The following P3H2 variants were observed in gnomAD, a reference collection of about 807,000 sequenced individuals.
P3H2 encodes prolyl 3-hydroxylase 2, also known as leprecan-like 1.
P3H2 carries 80 observed loss-of-function variants against 87.0 expected under a neutral mutation model. The ratio of observed to expected loss-of-function variants is 0.92; its 90% CI spans 0.77 to 1.11. P3H2 has a LOEUF of 1.11. P3H2 is among the 50% of genes least tolerant of loss of function. P3H2 has a pLI of 0.00. For synonymous variants in P3H2, 367 were observed against 359.3 expected (o/e 1.02, Z -0.24); for missense variants, 1,001 against 923.9 (o/e 1.08, Z -1.08).
intron 8 of P3H2, among the ~76,000 whole-genome samples, chr3:189,981,873 G>A (rs1029182578): frequency 6.6e-6 from 1 of 152,186 alleles, no homozygotes; most frequent in Non-Finnish European, 1.5e-5. Flanking sequence ...GGGCTTTGTG[G>A]CTGCAAACTG....
chr3:190,058,216 A>G (rs182645840), intron 1 of P3H2, among the ~76,000 whole-genome samples: 61 of 152,272 alleles, frequency 4.0e-4, no homozygotes, highest in African/African-American at 1.3e-3. Flanking sequence ...TTTAGTCCCT[A>G]TCTGTCAACT....
intron 1 of P3H2, among the ~76,000 whole-genome samples, chr3:190,065,214 C>T (rs1332693463): frequency 6.6e-6 from 1 of 152,126 alleles, no homozygotes; most frequent in Non-Finnish European, 1.5e-5. Flanking sequence ...TTGTTCAGTC[C>T]TTTTGCATTA....
upstream of P3H2, among the ~76,000 whole-genome samples, chr3:190,121,351 GAATAAATA>G (rs960130908): frequency 1.3e-5 from 2 of 149,704 alleles, no homozygotes; most frequent in East Asian, 2.0e-4. Context: ...AAAAAAAAAA[GAATAAATA>G]AATAAATAAA....
chr3:190,010,713 T>G (rs2108934165), intron 1 of P3H2, among the ~76,000 whole-genome samples: 1 of 152,300 alleles, frequency 6.6e-6, no homozygotes, highest in South Asian at 2.1e-4. Flanking sequence ...CAGTCTGTGG[T>G]TTTTGTGATG....
At chr3:190,060,737 A>T (rs1203235465) in intron 1 of P3H2, among the ~76,000 whole-genome samples, 1 of 152,124 alleles carries the variant, frequency 6.6e-6, no homozygotes, top group Non-Finnish European at 1.5e-5. Context: ...CTGTCTCATA[A>T]ATGGATAAAG....
At chr3:190,118,073 C>T (rs1485781866) in intron 1 of P3H2, among the ~76,000 whole-genome samples, 1 of 152,106 alleles carries the variant, frequency 6.6e-6, no homozygotes, top group Non-Finnish European at 1.5e-5. Flanking sequence ...AATCAATTCA[C>T]CACAAAAATT....
intron 1 of P3H2, among the ~76,000 whole-genome samples, chr3:190,095,315 T>C (rs1289644205): frequency 2.9e-5 from 3 of 104,220 alleles, no homozygotes; most frequent in Non-Finnish European, 6.3e-5. Flanking sequence ...TATATATATA[T>C]ATATATATAT....
At position 189,974,630 on chromosome 3, in the gene P3H2, G is replaced by A. The variant is rs116316856; in HGVS notation, c.1380C>T (p.Asn460=). The A allele has an allele frequency of 1.4e-5, 22 of 1,614,142 alleles. No homozygotes were observed. The African/African-American group carries it at 2.4e-4, about 18-fold the overall frequency. The change falls in exon 9 of 15, where the codon AAC becomes AAT. Residue 460 remains asparagine, a synonymous_variant. Coordinates refer to ENST00000319332, the MANE Select transcript of P3H2 (RefSeq NM_018192.4). ...ITFVYNSEQL[N]GTQRVLLDNV... is the part of the protein sequence containing the mutation. ...TATCCAGGAGAACCCGCTGAGTCCC[G>A]TTCAGCTGCTCCGAGTTGTAGACGA...
At chr3:189,980,955 A>G (rs710551) in intron 8 of P3H2, among the ~76,000 whole-genome samples, 120,108 of 152,174 alleles carry the variant, frequency 0.79, 47,608 homozygotes, top group East Asian at 0.93. Context: ...GGGGCCTGCA[A>G]ATTAAGCTCT....
rs112652667 is a variant in P3H2, at chr3:190,082,742, T to C, written c.480+37510A>G. ...TGTGAAGGTGATGAGCTTAGCAGAA[T>C]GCTTTGCATAGAGTATTGAGAGCCA... On this transcript the variant is annotated intron_variant, in intron 1 of 14. Transcript: ENST00000319332. Among the ~76,000 whole-genome samples, 856 of 152,332 alleles carry C rather than the reference T, an allele frequency of 5.6e-3. 4 individuals are homozygous for C. The highest frequency in any genetic ancestry group is 0.02 in the African/African-American group (828 of 41,580).
In P3H2 at chr3:189,971,851, T is replaced by G. The variant is rs372533087; in HGVS notation, c.1817+39A>C. On this transcript the variant is annotated intron_variant, in intron 12 of 14. Coordinates refer to ENST00000319332, the MANE Select transcript of P3H2 (RefSeq NM_018192.4). ...CCAGTTTTCACTGCTTGAAAACTGTTAGGTAAAAGCTTTGTTTTGAAGCAG... is the reference window on the plus strand; with the variant it reads ...CCAGTTTTCACTGCTTGAAAACTGTGAGGTAAAAGCTTTGTTTTGAAGCAG... 5.2e-5 allele frequency: 63 copies of G among 1,211,852 alleles called. No individual in the cohort carries two copies. The African/African-American group carries it at 8.6e-4, about 17-fold the overall frequency. 75.1% of individuals were successfully genotyped at this position (1,211,852 alleles called of 1,614,324 possible).
intron 1 of P3H2, among the ~76,000 whole-genome samples, chr3:190,100,888 A>G (rs966583425): frequency 1.3e-5 from 2 of 152,120 alleles, no homozygotes; most frequent in Non-Finnish European, 2.9e-5. Flanking sequence ...ACCTTGCATC[A>G]GGCCACTTCT....
At chr3:190,086,811 G>A (rs1479269151) in intron 1 of P3H2, among the ~76,000 whole-genome samples, 2 of 152,086 alleles carry the variant, frequency 1.3e-5, no homozygotes, top group African/African-American at 4.8e-5. Context: ...GTTGGAAAGG[G>A]GCATTGAGAA....
At chr3:190,064,834 AT>A (rs1726446217) in intron 1 of P3H2, among the ~76,000 whole-genome samples, 1 of 152,192 alleles carries the variant, frequency 6.6e-6, no homozygotes, top group Non-Finnish European at 1.5e-5. Flanking sequence ...ATCAGAGGCT[AT>A]AAGATAAGCC....
At chr3:190,004,624 C>T (rs1282665168) in intron 1 of P3H2, among the ~76,000 whole-genome samples, 1 of 152,134 alleles carries the variant, frequency 6.6e-6, no homozygotes, top group African/African-American at 2.4e-5. Context: ...CCTTGTGATC[C>T]GCCCGCCTCG....
chr3:190,023,732 T>C (rs1352246468), intron 1 of P3H2, among the ~76,000 whole-genome samples: 1 of 152,192 alleles, frequency 6.6e-6, no homozygotes, highest in Non-Finnish European at 1.5e-5. Context: ...GTTGGCAGTA[T>C]TTAAAAGCAT....
intron 1 of P3H2, among the ~76,000 whole-genome samples, chr3:190,097,741 C>T (rs1035217859): frequency 6.6e-6 from 1 of 151,900 alleles, no homozygotes; most frequent in Non-Finnish European, 1.5e-5. Context: ...AACCATTGGC[C>T]TTATCAAACA....
rs79270433 is a variant in P3H2, at chr3:189,967,040, G to A, written c.1894-2942C>T. ...CCATTTGTCCCTCCACAGTCAAAGG[G>A]AAACTAAAACAGAAAAATACCCATT... On this transcript the variant is annotated intron_variant, in intron 13 of 14. Coordinates refer to ENST00000319332, the MANE Select transcript of P3H2 (RefSeq NM_018192.4). Among the ~76,000 whole-genome samples the A allele has an allele frequency of 4.5e-3, 683 of 152,244 alleles. 5 individuals are homozygous for A. The highest frequency in any genetic ancestry group is 0.016 in the African/African-American group (647 of 41,554).
Position 189,964,073 on chromosome 3 carries a change from C to A in P3H2, c.1919G>T (p.Arg640Leu), listed in dbSNP as rs765123377. 65 of 1,613,952 alleles carry A rather than the reference C, an allele frequency of 4.0e-5. No individual in the cohort carries two copies. The highest frequency in any genetic ancestry group is 4.3e-5 in the Non-Finnish European group (51 of 1,179,986). ...TCCTCCAGATGAGAAGCTGATCATGCGCCCACATTTTGGTTTTATAGAGGC... is the reference window on the plus strand; with the variant it reads ...TCCTCCAGATGAGAAGCTGATCATGAGCCCACATTTTGGTTTTATAGAGGC... Reference protein sequence around the residue: ...VTASIKPKCGRMISFSSGGEN... With the variant: ...VTASIKPKCGLMISFSSGGEN... Residue 640 changes from arginine (R) to leucine (L), a missense_variant, in exon 14 of 15, where the codon CGC becomes CTC. Physicochemically the swap from Arg to Leu is moderately radical, Grantham distance 102. Coordinates refer to ENST00000319332, the MANE Select transcript of P3H2 (RefSeq NM_018192.4).
Sources: allele counts gnomAD v4.1 joint callset (sites outside exome capture counted in the v4.1 genomes callset), GRCh38; gene constraint gnomAD v4.1.1; transcripts MANE v1.5; gene names NCBI Gene and HGNC (gene_info 2026-07-23, HGNC 2026-07-21).